RGS7: variants seen among roughly 807,000 people sequenced by gnomAD.
RGS7 encodes the protein regulator of G protein signaling 7.
A neutral mutation model predicts 81.1 loss-of-function variants in RGS7; 27 were observed. The ratio of observed to expected loss-of-function variants is 0.33; its 90% CI spans 0.25 to 0.46. The LOEUF (loss-of-function observed/expected upper bound fraction) is 0.46, where lower values mean the gene tolerates loss of function less well. RGS7 is among the 20% of genes least tolerant of loss of function. RGS7 has a pLI of 1.00. For missense variants in RGS7, 396 were observed against 607.4 expected (o/e 0.65, Z 3.66); for synonymous variants, 208 against 207.7 (o/e 1.00, Z -0.01).
chr1:241,020,617 T>C (rs12030226), intron 3 of RGS7, among the ~76,000 whole-genome samples: 13,056 of 152,220 alleles, frequency 0.086, 623 homozygotes, highest in Middle Eastern at 0.16. Flanking sequence ...GACATGAACA[T>C]ATTTTTTTCT....
intron 2 of RGS7, among the ~76,000 whole-genome samples, chr1:241,291,765 A>G (rs1299747837): frequency 6.6e-6 from 1 of 151,746 alleles, no homozygotes; most frequent in African/African-American, 2.4e-5. Context: ...TTGTAGAGAC[A>G]GGGTTTTGCC....
intron 3 of RGS7, among the ~76,000 whole-genome samples, chr1:241,025,073 C>G (rs1043493489): frequency 9.2e-5 from 14 of 152,130 alleles, no homozygotes; most frequent in Non-Finnish European, 1.2e-4. Context: ...TAAATGCTAT[C>G]AGGAAGCGCA....
rs537538469 is a variant in RGS7 at position 241,271,453 on chromosome 1, T to C, written c.78+84246A>G. Among the ~76,000 whole-genome samples, 3 of 152,346 alleles carry C rather than the reference T, an allele frequency of 2.0e-5. No homozygotes were observed. Among genetic ancestry groups the C allele is most frequent in the African/African-American group, 7.2e-5 (3 of 41,588 alleles). ...AATGCATTAAGGCTTTCCAGTGGCCTCCCATAGCAGGATTCCTCCAACACT... is the reference window on the plus strand; with the variant it reads ...AATGCATTAAGGCTTTCCAGTGGCCCCCCATAGCAGGATTCCTCCAACACT... On this transcript the variant is annotated intron_variant, in intron 2 of 18. Transcript: ENST00000440928. The surrounding 1 kb of genome is among the most constrained non-coding windows in gnomAD (Gnocchi z 4.6).
chr1:241,084,204 C>T (rs2815844), intron 3 of RGS7, among the ~76,000 whole-genome samples: 29,438 of 152,034 alleles, frequency 0.19, 3,325 homozygotes, highest in African/African-American at 0.31. Context: ...TTCCATAACA[C>T]TGAGACATAT....
chr1:241,264,477 AC>A (rs2077486441), intron 2 of RGS7, among the ~76,000 whole-genome samples: 1 of 152,208 alleles, frequency 6.6e-6, no homozygotes, highest in Non-Finnish European at 1.5e-5. Context: ...AGCCTGGGCA[AC>A]AGAGTGAGAC....
intron 18 of RGS7, among the ~76,000 whole-genome samples, chr1:240,783,520 G>A (rs1039995853): frequency 2.0e-5 from 3 of 152,006 alleles, no homozygotes; most frequent in African/African-American, 7.2e-5. Context: ...CTACCCAGGA[G>A]GCTGAGACAG....
intron 4 of RGS7, among the ~76,000 whole-genome samples, chr1:240,961,126 A>T (rs116139728): frequency 0.015 from 2,239 of 152,330 alleles, 31 homozygotes; most frequent in Non-Finnish European, 0.022. Flanking sequence ...AATAAAAATT[A>T]TCTGTAAAGT....
chr1:241,084,405 T>C (rs1404853337), intron 3 of RGS7, among the ~76,000 whole-genome samples: 1 of 152,166 alleles, frequency 6.6e-6, no homozygotes, highest in Non-Finnish European at 1.5e-5. Flanking sequence ...TCTTCCATAT[T>C]TAATGATATT....
At chr1:241,181,785 A>G (rs576335286) in intron 2 of RGS7, among the ~76,000 whole-genome samples, 40 of 152,192 alleles carry the variant, frequency 2.6e-4, no homozygotes, top group African/African-American at 9.1e-4. Flanking sequence ...TGCAACCTCC[A>G]CCTCCTGGGC....
chr1:240,847,865 G>A (rs1258821295), intron 9 of RGS7, among the ~76,000 whole-genome samples: 9 of 151,918 alleles, frequency 5.9e-5, no homozygotes, highest in Non-Finnish European at 1.2e-4. Flanking sequence ...AAAATAACAC[G>A]ACATGACCAA....
Position 240,951,232 on chromosome 1 carries a change from G to A in RGS7, c.227-14526C>T, listed in dbSNP as rs868555315. ...ACCCTACCCAGCCATGTTCAGCTTT[G>A]AATGTAAAATTACAAGGCAGGCAAA... is the stretch of plus-strand genomic sequence containing the variant. On this transcript the variant is annotated intron_variant, in intron 4 of 18. Transcript: ENST00000440928. Among the ~76,000 whole-genome samples, 3 of 152,186 alleles carry A rather than the reference G, an allele frequency of 2.0e-5. 1 individual carries two copies. Among genetic ancestry groups the A allele is most frequent in the Middle Eastern group, 3.4e-3 (1 of 292 alleles).
intron 3 of RGS7, among the ~76,000 whole-genome samples, chr1:241,071,893 A>AAAAAAAAAAAAAT (rs2062486175): frequency 6.7e-6 from 1 of 149,180 alleles, no homozygotes; most frequent in Non-Finnish European, 1.5e-5. Context: ...AAAAAAAAAA[A>AAAAAAAAAAAAAT]AACAAGAAAG....
At chr1:241,114,293 A>G (rs2065735685) in intron 2 of RGS7, among the ~76,000 whole-genome samples, 1 of 152,096 alleles carries the variant, frequency 6.6e-6, no homozygotes, top group Non-Finnish European at 1.5e-5. Flanking sequence ...CAGCTTCCCC[A>G]TGCAACAACC....
At chr1:241,333,812 C>T (rs565237837) in intron 2 of RGS7, among the ~76,000 whole-genome samples, 1 of 152,102 alleles carries the variant, frequency 6.6e-6, no homozygotes, top group Non-Finnish European at 1.5e-5. Context: ...TAGATATCTT[C>T]TCCAGTACAA....
intron 4 of RGS7, among the ~76,000 whole-genome samples, chr1:240,944,278 GTGTGTATATATATATA>G (rs1453945083): frequency 5.0e-3 from 102 of 20,428 alleles, no homozygotes; most frequent in African/African-American, 0.01. Flanking sequence ...GTGTGTGTGT[GTGTGTATATATATATA>G]TATATATATA....
intron 2 of RGS7, among the ~76,000 whole-genome samples, chr1:241,306,998 G>A (rs970870107): frequency 2.0e-5 from 3 of 152,182 alleles, no homozygotes; most frequent in African/African-American, 7.2e-5. Flanking sequence ...TGAAAGAAAA[G>A]TACTTGCAGG....
At chr1:240,959,540 G>T (rs567190478) in intron 4 of RGS7, among the ~76,000 whole-genome samples, 1 of 152,234 alleles carries the variant, frequency 6.6e-6, no homozygotes, top group East Asian at 1.9e-4. Context: ...GTATCACTAG[G>T]CACTAGGAAA....
intron 2 of RGS7, among the ~76,000 whole-genome samples, chr1:241,300,205 C>T (rs998317224): frequency 6.6e-6 from 1 of 152,040 alleles, no homozygotes; most frequent in South Asian, 2.1e-4. Context: ...GTCCCCTCCC[C>T]AACCTACCCC....
intron 2 of RGS7, among the ~76,000 whole-genome samples, chr1:241,302,381 C>G (rs1161738521): frequency 6.6e-6 from 1 of 152,152 alleles, no homozygotes; most frequent in African/African-American, 2.4e-5. Flanking sequence ...AACCCCGTTT[C>G]TACTAAAAAT....
Sources: gnomAD v4.1 joint callset for allele counts (sites outside exome capture counted in the v4.1 genomes callset) on GRCh38, gnomAD v4.1.1 for gene constraint, Gnocchi (gnomAD v3.1) non-coding constraint, MANE v1.5 for transcripts, NCBI Gene and HGNC (gene_info 2026-07-23, HGNC 2026-07-21) for gene names.